ANKRD33B: variants seen among roughly 807,000 people sequenced by gnomAD.
The protein encoded by ANKRD33B is ankyrin repeat domain 33B.
Under a neutral mutation model 21.5 loss-of-function variants are expected in ANKRD33B, and 6 were observed. That is an observed-to-expected ratio of 0.28 (90% CI 0.15 to 0.55). The LOEUF is 0.55. Among genes scored for constraint, ANKRD33B ranks in the 20% least tolerant of loss-of-function variants. The pLI, the probability that ANKRD33B is intolerant of heterozygous loss-of-function variation, is 0.94. For synonymous variants in ANKRD33B, 347 were observed against 342.4 expected (o/e 1.01, Z -0.15); for missense variants, 698 against 747.2 (o/e 0.93, Z 0.77).
intron 1 of ANKRD33B, among the ~76,000 whole-genome samples, chr5:10,574,460 A>G (rs941028294): frequency 1.3e-5 from 2 of 152,232 alleles, no homozygotes; most frequent in African/African-American, 4.8e-5. Context: ...GGGAAACCAT[A>G]ATGTAAATTG....
intron 1 of ANKRD33B, among the ~76,000 whole-genome samples, chr5:10,600,402 T>C (rs1735903163): frequency 6.6e-6 from 1 of 152,262 alleles, no homozygotes; most frequent in African/African-American, 2.4e-5. Context: ...TTTCATTAAA[T>C]AGAATCCAGC....
At chr5:10,636,665 G>C (rs1399876780) in intron 2 of ANKRD33B, among the ~76,000 whole-genome samples, 1 of 152,148 alleles carries the variant, frequency 6.6e-6, no homozygotes, top group Admixed American at 6.5e-5. Context: ...CCTCCCCTGG[G>C]GTTCAGGAGG....
chr5:10,629,640 C>G (rs1406602995), intron 2 of ANKRD33B, among the ~76,000 whole-genome samples: 2 of 152,110 alleles, frequency 1.3e-5, no homozygotes, highest in Admixed American at 6.5e-5. Flanking sequence ...GATGTGGAAG[C>G]TTTAGAGCTG....
intron 3 of ANKRD33B, among the ~76,000 whole-genome samples, chr5:10,643,832 A>G (rs891824235): frequency 6.6e-6 from 1 of 151,440 alleles, no homozygotes; most frequent in African/African-American, 2.4e-5. Context: ...AAAAAAAAAA[A>G]AAAAAAAAAG....
chr5:10,649,686 GC>G lies in ANKRD33B; in HGVS notation c.1063del (p.Gln355ArgfsTer221), dbSNP rs1198890206. On this transcript the variant is annotated frameshift_variant, in exon 4 of 4. Coordinates refer to ENST00000296657, the MANE Select transcript of ANKRD33B (RefSeq NM_001164440.2). LOFTEE classifies it low-confidence loss of function (END_TRUNC). ...QEILAARAAR[G>X]PQAQEEDEVG... ...ATCCTGGCGGCGCGGGCTGCACGGG[GC>G]CCCCAGGCGCAGGAGGAGGATGAGG... 3 of 1,523,002 alleles carry G rather than the reference GC, an allele frequency of 2.0e-6. No homozygotes were observed. The highest frequency in any genetic ancestry group is 2.5e-5 in the East Asian group (1 of 40,500). 94.3% of individuals were successfully genotyped at this position (1,523,002 alleles called of 1,614,324 possible). A position where few individuals can be genotyped will look rare whatever the true frequency, so the allele number is the denominator to read the frequency against.
chr5:10,649,853 C>T lies in ANKRD33B; in HGVS notation c.1225C>T (p.Leu409=). The part of the protein sequence containing the change: ...PAPRKASLLP[L]QRLRRRSVRP... ...CCCGCGGAAGGCCAGCCTCCTGCCC[C>T]TGCAGCGCCTGCGGCGGAGAAGCGT... is the stretch of plus-strand genomic sequence containing the variant. The change falls in exon 4 of 4, where the codon CTG becomes TTG. Residue 409 remains leucine, a synonymous_variant. Coordinates refer to ENST00000296657, the MANE Select transcript of ANKRD33B (RefSeq NM_001164440.2). 1 of 1,423,236 alleles carries T rather than the reference C, an allele frequency of 7.0e-7. No homozygotes were observed. The highest frequency in any genetic ancestry group is 9.1e-7 in the Non-Finnish European group (1 of 1,094,140). The allele number at this position is 1,423,236 out of a possible 1,614,324, so 88.2% of individuals were successfully genotyped here. A position where few individuals can be genotyped will look rare whatever the true frequency, so the allele number is the denominator to read the frequency against.
chr5:10,613,990 C>CTGTGTGT (rs142362643), intron 1 of ANKRD33B, among the ~76,000 whole-genome samples: 1 of 141,290 alleles, frequency 7.1e-6, no homozygotes, highest in Non-Finnish European at 1.5e-5. Flanking sequence ...CCAGAGAAAT[C>CTGTGTGT]GTGTGTGTGT....
intron 2 of ANKRD33B, among the ~76,000 whole-genome samples, chr5:10,637,586 C>T (rs760655726): frequency 4.6e-5 from 7 of 152,090 alleles, no homozygotes; most frequent in Non-Finnish European, 1.0e-4. Flanking sequence ...TTTTTCCTCC[C>T]TGCAGCTCTG....
At position 10,564,623 on chromosome 5, in the gene ANKRD33B, C is replaced by T. The variant is rs1735004166; in HGVS notation, c.156C>T (p.Ile52=). The stretch of plus-strand genomic sequence containing the variant: ...CGAGTCTGCCAGACACCCGCAGCAT[C>T]GCCTCGGACGACTCTTTCTACCCTT... ...DFSSLPDTRS[I]ASDDSFYPFE... is the part of the protein sequence containing the mutation. The change falls in exon 1 of 4, where the codon ATC becomes ATT. Residue 52 remains isoleucine (I), a synonymous_variant. Coordinates refer to ENST00000296657, the MANE Select transcript of ANKRD33B (RefSeq NM_001164440.2). The T allele has an allele frequency of 6.5e-7, 1 of 1,534,934 alleles. No homozygotes were observed. The highest frequency in any genetic ancestry group is 2.0e-5 in the Admixed American group (1 of 50,986).
intron 1 of ANKRD33B, among the ~76,000 whole-genome samples, chr5:10,573,959 G>A (rs1735260098): frequency 6.6e-6 from 1 of 152,146 alleles, no homozygotes; most frequent in Non-Finnish European, 1.5e-5. Flanking sequence ...TCTACAAACA[G>A]GTAACACCAT....
intron 1 of ANKRD33B, among the ~76,000 whole-genome samples, chr5:10,610,217 G>A (rs991426731): frequency 6.6e-6 from 1 of 152,236 alleles, no homozygotes; most frequent in African/African-American, 2.4e-5. Context: ...CTTTGGAGAG[G>A]ACTTTGGCTC....
intron 3 of ANKRD33B, among the ~76,000 whole-genome samples, chr5:10,644,939 GT>G (rs1737159615): frequency 6.6e-6 from 1 of 152,180 alleles, no homozygotes; most frequent in Non-Finnish European, 1.5e-5. Context: ...CAATGAGCAG[GT>G]TCCTCTTGTG....
At position 10,632,457 on chromosome 5, in the gene ANKRD33B, A is replaced by G. The variant is rs542930162; in HGVS notation, c.497-5571A>G. Among the ~76,000 whole-genome samples the G allele has an allele frequency of 5.9e-5, 9 of 152,278 alleles. No homozygotes were observed. In the South Asian group the frequency reaches 1.2e-3, roughly 21 times the overall value. ...CCCCAACGAAGGCACCTTCGCATCC[A>G]TGCAGAGCGGAACCAGGGGTGTGGC... On this transcript the variant is annotated intron_variant, in intron 2 of 3. Transcript: ENST00000296657.
intron 3 of ANKRD33B, among the ~76,000 whole-genome samples, chr5:10,643,987 C>T (rs1737133073): frequency 2.1e-5 from 3 of 144,420 alleles, no homozygotes; most frequent in South Asian, 4.4e-4. Flanking sequence ...TTTCCTTTGA[C>T]AGTAGATGGG....
chr5:10,567,241 C>G (rs759817720), intron 1 of ANKRD33B, among the ~76,000 whole-genome samples: 2 of 152,204 alleles, frequency 1.3e-5, no homozygotes, highest in African/African-American at 2.4e-5. Flanking sequence ...GGCTGTTGAT[C>G]AAACAGCCTC....
intron 3 of ANKRD33B, among the ~76,000 whole-genome samples, chr5:10,644,641 G>T (rs868358028): frequency 6.6e-6 from 1 of 152,210 alleles, no homozygotes; most frequent in Non-Finnish European, 1.5e-5. Flanking sequence ...TCTCAGGGAA[G>T]CCCTGATATC....
chr5:10,645,941 C>T (rs765166704), intron 3 of ANKRD33B, among the ~76,000 whole-genome samples: 11 of 152,292 alleles, frequency 7.2e-5, no homozygotes, highest in South Asian at 2.1e-4. Context: ...TCAGAACTGG[C>T]GGACTGCTAC....
chr5:10,587,701 G>C (rs903430500), intron 1 of ANKRD33B, among the ~76,000 whole-genome samples: 2 of 152,156 alleles, frequency 1.3e-5, no homozygotes, highest in African/African-American at 4.8e-5. Flanking sequence ...TATATGCTCT[G>C]CCAGATTAGC....
chr5:10,644,620 G>C (rs1737148962), intron 3 of ANKRD33B, among the ~76,000 whole-genome samples: 1 of 152,186 alleles, frequency 6.6e-6, no homozygotes. Flanking sequence ...TGGGTCAGAG[G>C]GTTGCTCTTG....
Sources: gnomAD v4.1 joint callset for allele counts (sites outside exome capture counted in the v4.1 genomes callset) on GRCh38, gnomAD v4.1.1 for gene constraint, MANE v1.5 for transcripts, NCBI Gene and HGNC (gene_info 2026-07-23, HGNC 2026-07-21) for gene names.